MYH11: variants seen among roughly 807,000 people sequenced by gnomAD.
The protein encoded by MYH11 is myosin-11.
In MYH11, 80 loss-of-function variants were observed where a neutral mutation model predicts 246.6. That is an observed-to-expected ratio of 0.32 (90% CI 0.27 to 0.39). MYH11 has a LOEUF of 0.39. MYH11 is among the 10% of genes least tolerant of loss of function. MYH11 has a pLI of 1.00. For synonymous variants in MYH11, 1,071 were observed against 1,015.5 expected, an observed-to-expected ratio of 1.05 and a Z score of -1.04; for missense variants, 2,158 against 2,546.8, an observed-to-expected ratio of 0.85 and a Z score of 3.29.
At chr16:15,731,005 T>C (rs1419671385) in intron 27 of MYH11, among the ~76,000 whole-genome samples, 2 of 152,128 alleles carry the variant, frequency 1.3e-5, no homozygotes, top group African/African-American at 4.8e-5. Context: ...TTTTTTTTTT[T>C]ACAAAAGAAA....
chr16:15,840,918 T>C (rs2044034960), intron 1 of MYH11, among the ~76,000 whole-genome samples: 1 of 152,226 alleles, frequency 6.6e-6, no homozygotes, highest in South Asian at 2.1e-4. Flanking sequence ...ATAAAGCTGA[T>C]TAAAATATTT....
At chr16:15,716,134 G>C (rs1482205018) in intron 38 of MYH11, among the ~76,000 whole-genome samples, 1 of 151,946 alleles carries the variant, frequency 6.6e-6, no homozygotes, top group African/African-American at 2.4e-5. Context: ...TTGCTATGCT[G>C]CCCAGACTGG....
intron 16 of MYH11, chr16:15,749,709 A>G (rs1362514161): frequency 3.1e-5 from 8 of 255,318 alleles, no homozygotes; most frequent in African/African-American, 2.2e-5. Context: ...ATGCTGACTA[A>G]CAGCCCCCTC....
At chr16:15,712,184 A>G (rs1211930812) in intron 40 of MYH11, among the ~76,000 whole-genome samples, 1 of 152,190 alleles carries the variant, frequency 6.6e-6, no homozygotes, top group Non-Finnish European at 1.5e-5. Context: ...CTTGGGGTGC[A>G]GCATGTTTGG....
chr16:15,782,302 C>T (rs1247801352), intron 6 of MYH11, 83 bp downstream of exon 6: 3 of 1,208,660 alleles, frequency 2.5e-6, no homozygotes, highest in East Asian at 4.6e-5. Flanking sequence ...CCCCTCCCAC[C>T]TCTGCACGCA....
In MYH11 at chr16:15,817,093, T is replaced by C. The variant is rs531536042; in HGVS notation, c.502+6162A>G. On this transcript the variant is annotated intron_variant, in intron 3 of 40. Transcript: ENST00000300036. ...AAAATATCTCTAGGAGAAAACCTCATACACTAGAAACCATAATTGTCTCTT... is the reference window on the plus strand; with the variant it reads ...AAAATATCTCTAGGAGAAAACCTCACACACTAGAAACCATAATTGTCTCTT... Among the ~76,000 whole-genome samples, 5 of 152,304 alleles carry C rather than the reference T, an allele frequency of 3.3e-5. No homozygotes were observed. The East Asian group carries it at 9.6e-4, about 29-fold the overall frequency.
chr16:15,838,825 C>G (rs1311707846), intron 1 of MYH11, among the ~76,000 whole-genome samples: 1 of 146,708 alleles, frequency 6.8e-6, no homozygotes, highest in Non-Finnish European at 1.5e-5. Context: ...CCACTGCACT[C>G]CAGCCTGGGT....
Position 15,721,734 on chromosome 16 carries a change from G to A in MYH11, c.4366-100C>T, listed in dbSNP as rs1436733004. Reference sequence around the variant, plus strand: ...AGCCCTGTGTCCTGCTGAATGTATTGAGGTGCAGGTGTAAGCAGTGTAGGT... The same window carrying A: ...AGCCCTGTGTCCTGCTGAATGTATTAAGGTGCAGGTGTAAGCAGTGTAGGT... On this transcript the variant is annotated intron_variant, in intron 31 of 40. Transcript: ENST00000300036. 4.0e-6 allele frequency: 5 copies of A among 1,257,330 alleles called. No individual in the cohort carries two copies. The African/African-American group carries it at 4.4e-5, about 11-fold the overall frequency. The allele number at this position is 1,257,330 out of a possible 1,614,324, so 77.9% of individuals were successfully genotyped here.
chr16:15,813,222 A>G (rs2043181634), intron 3 of MYH11, among the ~76,000 whole-genome samples: 1 of 151,976 alleles, frequency 6.6e-6, no homozygotes. Context: ...GCATGGTGGT[A>G]CATCTCTGTA....
At chr16:15,803,451 A>G (rs2042936072) in intron 3 of MYH11, among the ~76,000 whole-genome samples, 1 of 151,472 alleles carries the variant, frequency 6.6e-6, no homozygotes, top group African/African-American at 2.4e-5. Context: ...TAATTTTTCT[A>G]TTTTTTGTAG....
Position 15,750,147 on chromosome 16 carries a change from G to T in MYH11, c.2049C>A (p.His683Gln), listed in dbSNP as rs150924100. ...GGGCGGCGGGCCTCACCCTCTTCTC[G>T]TGGTTGGGGATGATGCAGCGCACGA... ...PNFVRCIIPN[H>Q]EKRSGKLDAF... Residue 683 changes from histidine to glutamine, a missense_variant, in exon 16 of 41, where the codon CAC becomes CAA. By Grantham distance (24) the His-to-Gln change is conservative (BLOSUM62 0). Transcript: ENST00000300036. The surrounding 1 kb of genome is among the most constrained non-coding windows in gnomAD (Gnocchi z 4.3). The T allele has an allele frequency of 6.2e-7, 1 of 1,614,082 alleles. No homozygotes were observed. The highest frequency in any genetic ancestry group is 8.5e-7 in the Non-Finnish European group (1 of 1,180,032).
rs761269257 is a variant in MYH11, at chr16:15,741,826, C to T, written c.2586G>A (p.Gln862=). 3 of 1,614,252 alleles carry T rather than the reference C, an allele frequency of 1.9e-6. No homozygotes were observed. The highest frequency in any genetic ancestry group is 2.5e-6 in the Non-Finnish European group (3 of 1,180,054). ...EEMQAKEDEL[Q]KTKERQQKAE... ...CCTTCTGCTGCCGCTCCTTGGTCTTCTGCAGTTCATCCTCCTTGGCCTGCA... is the reference window on the plus strand; with the variant it reads ...CCTTCTGCTGCCGCTCCTTGGTCTTTTGCAGTTCATCCTCCTTGGCCTGCA... The change falls in exon 21 of 41, where the codon CAG becomes CAA. Residue 862 remains glutamine, a synonymous_variant. Coordinates refer to ENST00000300036, the MANE Select transcript of MYH11 (RefSeq NM_002474.3).
At chr16:15,821,920 G>A (rs1313679322) in intron 3 of MYH11, among the ~76,000 whole-genome samples, 1 of 96,174 alleles carries the variant, frequency 1.0e-5, no homozygotes, top group East Asian at 2.8e-4. Flanking sequence ...GCGAGACTCC[G>A]TCTCAAAAAA....
intron 10 of MYH11, among the ~76,000 whole-genome samples, chr16:15,761,804 G>T (rs1429903213): frequency 3.3e-5 from 5 of 151,920 alleles, no homozygotes; most frequent in African/African-American, 1.2e-4. Flanking sequence ...CCAGATTTAG[G>T]GACTCTAATA....
chr16:15,782,860 G>A (rs1320613902), intron 5 of MYH11: 8 of 197,020 alleles, frequency 4.1e-5, no homozygotes, highest in East Asian at 2.5e-4. Context: ...TGGCAGTCGT[G>A]CTGCTGTTCA....
intron 1 of MYH11, among the ~76,000 whole-genome samples, chr16:15,852,334 C>CT (rs4006745): frequency 0.24 from 31,036 of 128,700 alleles, 4,305 homozygotes; most frequent in East Asian, 0.42. Context: ...TTTGCAATGC[C>CT]TTTTTTTTTT....
At position 15,721,283 on chromosome 16, in the gene MYH11, C is replaced by G. The variant is rs1447325512; in HGVS notation, c.4578+139G>C. ...TTCTCAGCCCCTCCCAGCCCCTGCA[C>G]CAGTCCAAAAACCTCCTTCCATTTC... is the stretch of plus-strand genomic sequence containing the variant. On this transcript the variant is annotated intron_variant, in intron 32 of 40. Transcript: ENST00000300036. 4.6e-6 allele frequency: 5 copies of G among 1,088,380 alleles called. 1 individual carries two copies. The highest frequency in any genetic ancestry group is 6.8e-6 in the Non-Finnish European group (5 of 734,674). The allele number at this position is 1,088,380 out of a possible 1,614,324, so 67.4% of individuals were successfully genotyped here. A position where few individuals can be genotyped will look rare whatever the true frequency, so the allele number is the denominator to read the frequency against.
Position 15,741,753 on chromosome 16 carries a change from C to G in MYH11, c.2652+7G>C. On this transcript the variant is annotated splice_region_variant and intron_variant, in intron 21 of 40. Coordinates refer to ENST00000300036, the MANE Select transcript of MYH11 (RefSeq NM_002474.3). ...CAGCAACCCCAGCCATGCATCCATA[C>G]AGGTACCTGCGAGTGCTTCTGTTCC... 2 of 1,614,172 alleles carry G rather than the reference C, an allele frequency of 1.2e-6. No individual in the cohort carries two copies. The highest frequency in any genetic ancestry group is 1.7e-6 in the Non-Finnish European group (2 of 1,180,040).
chr16:15,763,741 T>TCCGGCCCCC, intron 10 of MYH11, 55 bp downstream of exon 10: 2 of 646,846 alleles, frequency 3.1e-6, no homozygotes, highest in Non-Finnish European at 5.8e-6. Context: ...AAATGTCACC[T>TCCGGCCCCC]CCCCCACCCC....
Sources: allele counts gnomAD v4.1 joint callset (sites outside exome capture counted in the v4.1 genomes callset), GRCh38; gene constraint gnomAD v4.1.1; non-coding constraint Gnocchi (gnomAD v3.1); transcripts MANE v1.5; gene names NCBI Gene and HGNC (gene_info 2026-07-23, HGNC 2026-07-21).